The following GYPE variants were observed in gnomAD, a reference collection of about 807,000 sequenced individuals.
GYPE encodes glycophorin-E.
GYPE carries 8 observed loss-of-function variants against 11.6 expected under a neutral mutation model. That is an observed-to-expected ratio of 0.69 (90% CI 0.41 to 1.25). The LOEUF (loss-of-function observed/expected upper bound fraction) is 1.25, where lower values mean the gene tolerates loss of function less well. Ranked by LOEUF, GYPE falls within the 50% of genes most tolerant of loss-of-function variation. The probability of loss-of-function intolerance (pLI) is 0.01; values close to 1 mark genes in which losing one functional copy is unlikely to be tolerated. For missense variants in GYPE, 90 were observed against 92.8 expected, an observed-to-expected ratio of 0.97 and a Z score of 0.12; for synonymous variants, 28 against 29.6, an observed-to-expected ratio of 0.94 and a Z score of 0.18.
chr4:143,901,191 G>A (rs1479418394), intron 1 of GYPE, among the ~76,000 whole-genome samples: 2 of 152,062 alleles, frequency 1.3e-5, no homozygotes, highest in Non-Finnish European at 2.9e-5. Context: ...AAACAAAGAT[G>A]ACATCATTTT....
intron 1 of GYPE, among the ~76,000 whole-genome samples, chr4:143,903,126 C>T (rs1472439390): frequency 6.6e-6 from 1 of 152,034 alleles, no homozygotes; most frequent in Non-Finnish European, 1.5e-5. Context: ...CTCCCTGCTA[C>T]CCTTTTCTTA....
chr4:143,875,746 A>G (rs1390874052), intron 3 of GYPE, among the ~76,000 whole-genome samples: 3 of 152,070 alleles, frequency 2.0e-5, no homozygotes, highest in Non-Finnish European at 4.4e-5. Flanking sequence ...AGGCAGGTGG[A>G]TCACTTGAGG....
At chr4:143,902,340 G>GAA (rs201093353) in intron 1 of GYPE, among the ~76,000 whole-genome samples, 8 of 133,702 alleles carry the variant, frequency 6.0e-5, no homozygotes, top group African/African-American at 2.2e-4. Flanking sequence ...TTGGATCCCT[G>GAA]AAAAAAAAAA....
intron 1 of GYPE, among the ~76,000 whole-genome samples, 189 bp from the exon 2 acceptor site, chr4:143,880,698 T>A (rs986926288): frequency 2.0e-5 from 3 of 152,228 alleles, no homozygotes; most frequent in African/African-American, 7.2e-5. Flanking sequence ...ATTTTAAAAT[T>A]AAGGGGCCAG....
chr4:143,896,173 A>C (rs1458915977), intron 1 of GYPE, among the ~76,000 whole-genome samples: 2 of 152,096 alleles, frequency 1.3e-5, no homozygotes, highest in African/African-American at 2.4e-5. Context: ...TAATTAAACT[A>C]AAGAGCTTCT....
intron 1 of GYPE, among the ~76,000 whole-genome samples, chr4:143,891,842 T>C (rs1437513639): frequency 1.3e-5 from 2 of 152,086 alleles, no homozygotes; most frequent in African/African-American, 2.4e-5. Context: ...CCTCTAGTAA[T>C]GGGCTATGAA....
chr4:143,872,512 A>AT (rs1396120662), intron 3 of GYPE, among the ~76,000 whole-genome samples: 1 of 152,100 alleles, frequency 6.6e-6, no homozygotes, highest in Non-Finnish European at 1.5e-5. Context: ...GTGCTATGAA[A>AT]AAAATACAGG....
rs539757232 is a variant in GYPE at position 143,905,313 on chromosome 4, G to C, written c.37+158C>G. Among the ~76,000 whole-genome samples the C allele has an allele frequency of 6.5e-4, 99 of 152,224 alleles. 1 individual carries two copies. Among genetic ancestry groups the C allele is most frequent in the African/African-American group, 2.2e-3 (93 of 41,536 alleles). ...CCCTTGTGCCATTTCCCCCACATTGGTAGCTGAGTTCCAGTAAAATCCATC... is the reference window on the plus strand; with the variant it reads ...CCCTTGTGCCATTTCCCCCACATTGCTAGCTGAGTTCCAGTAAAATCCATC... On this transcript the variant is annotated intron_variant, in intron 1 of 3. Transcript: ENST00000358615.
At chr4:143,889,401 A>G (rs1387647775) in intron 1 of GYPE, among the ~76,000 whole-genome samples, 3 of 152,090 alleles carry the variant, frequency 2.0e-5, no homozygotes, top group African/African-American at 7.2e-5. Context: ...AGGAGAGCAG[A>G]GTTCTATTCC....
chr4:143,900,398 TTAAACA>T (rs1479385193), intron 1 of GYPE, among the ~76,000 whole-genome samples: 2 of 116,252 alleles, frequency 1.7e-5, no homozygotes, highest in Non-Finnish European at 3.7e-5. Flanking sequence ...CCTTAGTAAG[TTAAACA>T]TAAAATTACT....
At chr4:143,873,311 G>T (rs1743680710) in intron 3 of GYPE, 2 of 383,452 alleles carry the variant, frequency 5.2e-6, no homozygotes, top group Non-Finnish European at 1.0e-5. Context: ...GATTACTTTT[G>T]ATTTAAAGGT....
In GYPE at chr4:143,890,138, G is replaced by A. The variant is rs144214988; in HGVS notation, c.38-9629C>T. On this transcript the variant is annotated intron_variant, in intron 1 of 3. Coordinates refer to ENST00000358615, the MANE Select transcript of GYPE (RefSeq NM_198682.3). ...TAATTCACCTTGTTTATAGCCTGAG[G>A]GTAGGAGTGTTGTACCTCTAACATA... Among the ~76,000 whole-genome samples, 425 of 152,302 alleles carry A rather than the reference G, an allele frequency of 2.8e-3. 2 individuals carry two copies. The highest frequency in any genetic ancestry group is 9.8e-3 in the African/African-American group (406 of 41,552).
intron 1 of GYPE, among the ~76,000 whole-genome samples, chr4:143,883,257 C>T (rs1249604238): frequency 6.6e-6 from 1 of 152,032 alleles, no homozygotes; most frequent in Non-Finnish European, 1.5e-5. Context: ...GTAAGACGTG[C>T]CTACTTTCCC....
At chr4:143,872,427 A>AT (rs946508809) in intron 3 of GYPE, among the ~76,000 whole-genome samples, 175 bp from the exon 4 acceptor site, 8 of 152,116 alleles carry the variant, frequency 5.3e-5, no homozygotes, top group Non-Finnish European at 7.4e-5. Flanking sequence ...TAAAAAATTA[A>AT]TTTTTTTTAC....
rs770741825 is a variant in GYPE at position 143,876,867 on chromosome 4, A to G, written c.137-12T>C. On this transcript the variant is annotated splice_polypyrimidine_tract_variant and intron_variant, in intron 2 of 3. Transcript: ENST00000358615. ...AATGAGTGTTATCCCTACAGGAGAT[A>G]AAGAGAGCGGCAAAATTATGAAAGT... is the stretch of plus-strand genomic sequence containing the variant. 1 of 1,513,690 alleles carries G rather than the reference A, an allele frequency of 6.6e-7. No homozygotes were observed. Among genetic ancestry groups the G allele is most frequent in the South Asian group, 1.1e-5 (1 of 88,438 alleles). 93.8% of individuals were successfully genotyped at this position (1,513,690 alleles called of 1,614,324 possible). A position where few individuals can be genotyped will look rare whatever the true frequency, so the allele number is the denominator to read the frequency against.
chr4:143,876,768 T>A lies in GYPE; in HGVS notation c.224A>T (p.Tyr75Phe), dbSNP rs1207847806. 1 of 1,596,118 alleles carries A rather than the reference T, an allele frequency of 6.3e-7. No homozygotes were observed. Among genetic ancestry groups the A allele is most frequent in the African/African-American group, 1.3e-5 (1 of 74,488 alleles). Residue 75 changes from tyrosine to phenylalanine, a missense_variant, in exon 3 of 4, where the codon TAC (tyrosine) becomes TTC (phenylalanine). Tyr to Phe is a conservative substitution (Grantham distance 22). Transcript: ENST00000358615. Reference sequence around the variant, plus strand: ...CACCTTTATCAGTCATCGAATACAGTAAGAAATTAAGATGATCATTCCAAC... The same window carrying A: ...CACCTTTATCAGTCATCGAATACAGAAAGAAATTAAGATGATCATTCCAAC... ...VVVGMIILIS[Y>F]CIR
rs142218707 is a variant in GYPE, at chr4:143,897,117, C to T, written c.37+8354G>A. ...GCACATGTATACATATGTAACTAAC[C>T]GGCACATTGTGCACATGTACCCTAA... On this transcript the variant is annotated intron_variant, in intron 1 of 3. Transcript: ENST00000358615. Among the ~76,000 whole-genome samples the T allele has an allele frequency of 8.7e-3, 1,316 of 151,942 alleles. 31 individuals are homozygous for T. Among genetic ancestry groups the T allele is most frequent in the African/African-American group, 0.03 (1,241 of 41,400 alleles).
intron 1 of GYPE, among the ~76,000 whole-genome samples, chr4:143,901,992 G>A (rs902845735): frequency 1.1e-4 from 16 of 151,924 alleles, no homozygotes; most frequent in Non-Finnish European, 2.4e-4. Flanking sequence ...CTCATCTCAG[G>A]CTGAATTTTG....
chr4:143,880,406 C>A lies in GYPE; in HGVS notation c.136+5G>T, dbSNP rs547179985. On this transcript the variant is annotated splice_donor_5th_base_variant and intron_variant, in intron 2 of 3. Transcript: ENST00000358615. Reference sequence around the variant, plus strand: ...CACAATTTAAAAATAAAAATGAAAACAAACCATTTGTCTGTGATGAGATGT... The same window carrying A: ...CACAATTTAAAAATAAAAATGAAAAAAAACCATTTGTCTGTGATGAGATGT... The A allele has an allele frequency of 4.1e-5, 66 of 1,613,896 alleles. No individual in the cohort carries two copies. In the East Asian group the frequency reaches 1.4e-3, roughly 34 times the overall value.
Sources: allele counts gnomAD v4.1 joint callset (sites outside exome capture counted in the v4.1 genomes callset), GRCh38; gene constraint gnomAD v4.1.1; transcripts MANE v1.5; gene names NCBI Gene and HGNC (gene_info 2026-07-23, HGNC 2026-07-21).